The following RBMS1 variants were observed in gnomAD, a reference collection of about 807,000 sequenced individuals.
RBMS1 encodes RNA binding motif single stranded interacting protein 1.
A neutral mutation model predicts 62.3 loss-of-function variants in RBMS1; 17 were observed. The observed-to-expected ratio is 0.27, with a 90% CI of 0.19 to 0.41. The LOEUF (loss-of-function observed/expected upper bound fraction) is 0.41, where lower values mean the gene tolerates loss of function less well. Ranked by LOEUF, RBMS1 falls within the 10% of genes least tolerant of loss-of-function variation. RBMS1 has a pLI of 1.00. For missense variants in RBMS1, 334 were observed against 504.5 expected, an observed-to-expected ratio of 0.66 and a Z score of 3.24; for synonymous variants, 172 against 170.0, an observed-to-expected ratio of 1.01 and a Z score of -0.09.
chr2:160,378,549 C>T (rs891160833), intron 1 of RBMS1, among the ~76,000 whole-genome samples: 2 of 151,726 alleles, frequency 1.3e-5, no homozygotes, highest in Non-Finnish European at 2.9e-5. Flanking sequence ...GAGGTCAAGG[C>T]TGCACTGAGC....
In RBMS1 at chr2:160,318,229, T is replaced by TAAAAA. The variant is rs5835799; in HGVS notation, c.252-7_252-3dup. 115 of 1,164,404 alleles carry TAAAAA rather than the reference T, an allele frequency of 9.9e-5. No homozygotes were observed. The highest frequency in any genetic ancestry group is 1.4e-4 in the South Asian group (7 of 49,554). 72.1% of individuals were successfully genotyped at this position (1,164,404 alleles called of 1,614,324 possible). A position where few individuals can be genotyped will look rare whatever the true frequency, so the allele number is the denominator to read the frequency against. Reference sequence around the variant, plus strand: ...TTTGTGGAGACTATTTTCCCATATCTAAAAAAAAAAAAAAAAAAAAAAAGG... The same window carrying TAAAAA: ...TTTGTGGAGACTATTTTCCCATATCTAAAAAAAAAAAAAAAAAAAAAAAAAAAAGG... On this transcript the variant is annotated splice_polypyrimidine_tract_variant and splice_region_variant and intron_variant, in intron 2 of 13. Transcript: ENST00000348849.
chr2:160,355,353 C>A (rs933537867), intron 2 of RBMS1, among the ~76,000 whole-genome samples: 1 of 152,126 alleles, frequency 6.6e-6, no homozygotes, highest in Non-Finnish European at 1.5e-5. Context: ...ACCAAAAGTA[C>A]ACTAACTCAT....
At chr2:160,277,523 T>C (rs1687900347) in intron 11 of RBMS1, 140 bp from the exon 12 acceptor site, 1 of 529,300 alleles carries the variant, frequency 1.9e-6, no homozygotes, top group Non-Finnish European at 3.4e-6. Context: ...AAAGCTTAAA[T>C]AGTGCATATA....
intron 1 of RBMS1, among the ~76,000 whole-genome samples, chr2:160,384,098 G>A (rs1694440700): frequency 6.6e-6 from 1 of 152,226 alleles, no homozygotes; most frequent in Non-Finnish European, 1.5e-5. Flanking sequence ...TAGGGAGGCT[G>A]AGGCAGGAGA....
At chr2:160,289,337 G>T (rs1296296163) in intron 6 of RBMS1, among the ~76,000 whole-genome samples, 1 of 152,198 alleles carries the variant, frequency 6.6e-6, no homozygotes, top group East Asian at 1.9e-4. Flanking sequence ...AGTTACAACA[G>T]TTTGTATACT....
At chr2:160,450,585 AAC>A (rs1683940396) in intron 1 of RBMS1, among the ~76,000 whole-genome samples, 1 of 151,008 alleles carries the variant, frequency 6.6e-6, no homozygotes, top group African/African-American at 2.4e-5. Flanking sequence ...AAAAACAAAA[AAC>A]ATTAACCCAG....
intron 1 of RBMS1, among the ~76,000 whole-genome samples, chr2:160,438,455 A>C (rs932686640): frequency 2.6e-5 from 4 of 151,828 alleles, no homozygotes; most frequent in African/African-American, 9.7e-5. Context: ...GGGAGTGGTG[A>C]TGACTCTTAA....
At chr2:160,478,946 C>T (rs767699230) in intron 1 of RBMS1, among the ~76,000 whole-genome samples, 12 of 152,192 alleles carry the variant, frequency 7.9e-5, no homozygotes, top group Non-Finnish European at 1.6e-4. Flanking sequence ...AAACAGAGAC[C>T]GGTGTGGAGT....
At chr2:160,311,234 A>ATCTATCTATCTATC (rs781541742) in intron 4 of RBMS1, among the ~76,000 whole-genome samples, 7 of 107,426 alleles carry the variant, frequency 6.5e-5, no homozygotes, top group South Asian at 3.2e-4. Context: ...CTATCTATCT[A>ATCTATCTATCTATC]TATATATATA....
intron 1 of RBMS1, among the ~76,000 whole-genome samples, chr2:160,455,016 C>T (rs1044364510): frequency 6.6e-6 from 1 of 152,172 alleles, no homozygotes; most frequent in African/African-American, 2.4e-5. Flanking sequence ...AGCTGTCTCT[C>T]TTTCTCTGAA....
intron 1 of RBMS1, among the ~76,000 whole-genome samples, chr2:160,488,383 C>G (rs1396208413): frequency 2.0e-5 from 3 of 152,150 alleles, no homozygotes; most frequent in Non-Finnish European, 2.9e-5. Context: ...CAAGACCAGC[C>G]TGGCCAACGT....
At chr2:160,378,523 C>T (rs1286146946) in intron 1 of RBMS1, among the ~76,000 whole-genome samples, 4 of 151,572 alleles carry the variant, frequency 2.6e-5, no homozygotes, top group African/African-American at 4.9e-5. Flanking sequence ...TGAGGTGGGA[C>T]GATCACTTGA....
At chr2:160,294,415 T>C (rs1275021113) in intron 6 of RBMS1, among the ~76,000 whole-genome samples, 2 of 152,126 alleles carry the variant, frequency 1.3e-5, no homozygotes, top group African/African-American at 4.8e-5. Context: ...GAGTGGAACA[T>C]GGCTGGCATG....
intron 10 of RBMS1, among the ~76,000 whole-genome samples, chr2:160,280,951 C>A (rs1335836671): frequency 6.6e-6 from 1 of 152,024 alleles, no homozygotes; most frequent in Non-Finnish European, 1.5e-5. Flanking sequence ...ATCTTCATCT[C>A]GGTTTTGAAC....
In RBMS1 at chr2:160,398,185, G is replaced by A. The variant is rs570032907; in HGVS notation, c.76-30794C>T. Among the ~76,000 whole-genome samples the A allele has an allele frequency of 2.0e-5, 3 of 152,282 alleles. No homozygotes were observed. The East Asian group carries it at 5.8e-4, about 29-fold the overall frequency. ...AACCAAACTCACTGCCTTTCCCCCA[G>A]AAACTCTTATTTTGGTAGGCTGAAT... On this transcript the variant is annotated intron_variant, in intron 1 of 13. Transcript: ENST00000348849.
intron 1 of RBMS1, among the ~76,000 whole-genome samples, chr2:160,447,342 A>G (rs1485456048): frequency 6.6e-6 from 1 of 152,186 alleles, no homozygotes. Context: ...CCACAACTCA[A>G]TCACAGGCCT....
intron 1 of RBMS1, among the ~76,000 whole-genome samples, chr2:160,473,852 AT>A (rs1685023275): frequency 2.0e-5 from 3 of 152,106 alleles, no homozygotes; most frequent in African/African-American, 7.2e-5. Context: ...CAGATAATCT[AT>A]TTTTTAAAGG....
At chr2:160,352,388 C>G (rs542837475) in intron 2 of RBMS1, among the ~76,000 whole-genome samples, 3 of 152,106 alleles carry the variant, frequency 2.0e-5, no homozygotes, top group Non-Finnish European at 4.4e-5. Context: ...CAGTGGCTAC[C>G]AAATTAGGCT....
intron 1 of RBMS1, among the ~76,000 whole-genome samples, chr2:160,433,112 A>T (rs78356621): frequency 4.4e-5 from 3 of 68,414 alleles, no homozygotes; most frequent in African/African-American, 1.0e-4. Context: ...TACGAATATT[A>T]AAAAAAAAAA....
Sources: gnomAD v4.1 joint callset for allele counts (sites outside exome capture counted in the v4.1 genomes callset) on GRCh38, gnomAD v4.1.1 for gene constraint, MANE v1.5 for transcripts, NCBI Gene and HGNC (gene_info 2026-07-23, HGNC 2026-07-21) for gene names.